TG: variants seen among roughly 807,000 people sequenced by gnomAD.
TG encodes the protein thyroid hormones.
Under a neutral mutation model 324.7 loss-of-function variants are expected in TG, and 270 were observed. The observed-to-expected ratio is 0.83, with a 90% confidence interval of 0.75 to 0.92. TG has a LOEUF of 0.92. TG is among the 40% of genes least tolerant of loss of function. TG has a pLI of 0.00. For missense variants in TG, 3,591 were observed against 3,456.4 expected, an observed-to-expected ratio of 1.04 and a Z score of -0.98; for synonymous variants, 1,401 against 1,327.0, an observed-to-expected ratio of 1.06 and a Z score of -1.21.
chr8:133,110,874 C>T (rs867102299), intron 43 of TG, among the ~76,000 whole-genome samples: 13 of 152,180 alleles, frequency 8.5e-5, no homozygotes, highest in Middle Eastern at 3.4e-3. Flanking sequence ...CTTCTTAGCC[C>T]GCACCCACGA....
chr8:133,055,481 G>A (rs1448944215), intron 41 of TG, among the ~76,000 whole-genome samples: 2 of 151,960 alleles, frequency 1.3e-5, no homozygotes, highest in South Asian at 2.1e-4. Context: ...CGAGTTCTGC[G>A]GGTCACCATG....
At chr8:132,880,560 C>T (rs1298905138) in intron 5 of TG, among the ~76,000 whole-genome samples, 1 of 152,130 alleles carries the variant, frequency 6.6e-6, no homozygotes, top group Non-Finnish European at 1.5e-5. Flanking sequence ...ATACACAGAA[C>T]AATAGATTAA....
chr8:133,106,447 C>T, intron 43 of TG: 4 of 985,382 alleles, frequency 4.1e-6, no homozygotes, highest in Non-Finnish European at 4.8e-6. Context: ...GCTCTTCTCC[C>T]AGGTCCCGCC....
chr8:132,893,385 G>T, intron 10 of TG, among the ~76,000 whole-genome samples: 1 of 136,090 alleles, frequency 7.3e-6, no homozygotes, highest in Non-Finnish European at 1.6e-5. Context: ...TGTGTGTAGT[G>T]TGGGGGGGTG....
intron 41 of TG, chr8:133,050,970 G>T: frequency 4.0e-6 from 4 of 1,009,816 alleles, no homozygotes; most frequent in East Asian, 4.8e-5. Context: ...TTCACAAGGA[G>T]CTTAAAGGTA....
chr8:132,939,991 T>C (rs1471356006), intron 25 of TG, among the ~76,000 whole-genome samples: 5 of 152,058 alleles, frequency 3.3e-5, no homozygotes, highest in Non-Finnish European at 5.9e-5. Flanking sequence ...ATATGTTTTT[T>C]TTACCTGCTC....
chr8:132,957,742 T>TACAC (rs6150825), intron 27 of TG, among the ~76,000 whole-genome samples: 1,746 of 41,532 alleles, frequency 0.042, 18 homozygotes, highest in Non-Finnish European at 0.052. Flanking sequence ...CATGGTAAAC[T>TACAC]ACACACACAC....
Position 132,941,132 on chromosome 8 carries a change from T to A in TG, c.5042-219T>A, listed in dbSNP as rs149122542. On this transcript the variant is annotated intron_variant, in intron 25 of 47. Transcript: ENST00000220616. ...AAGACGTGTTGGGCATTTGTCCCGA[T>A]CTCCTGGGTTTGGGGCCATGGCCTT... Among the ~76,000 whole-genome samples the A allele has an allele frequency of 1.4e-4, 21 of 152,308 alleles. No homozygotes were observed. The East Asian group carries it at 3.7e-3, about 27-fold the overall frequency.
chr8:132,984,922 C>T (rs1304015126), intron 35 of TG, among the ~76,000 whole-genome samples: 1 of 136,688 alleles, frequency 7.3e-6, no homozygotes, highest in Non-Finnish European at 1.6e-5. Context: ...CTGAGCAACA[C>T]AGCCTCCATC....
chr8:133,013,709 T>G lies in TG; in HGVS notation c.6507T>G (p.Gly2169=). 1 of 1,613,906 alleles carries G rather than the reference T, an allele frequency of 6.2e-7. No homozygotes were observed. Residue 2169 remains glycine (G), a synonymous_variant, in exon 37 of 48, where the codon GGT becomes GGG. Transcript: ENST00000220616. Reference sequence around the variant, plus strand: ...AAAGCTGCACACATAGTCTGCAGGGTCAGAACTGCCGACTTCTGCTTCGTG... The same window carrying G: ...AAAGCTGCACACATAGTCTGCAGGGGCAGAACTGCCGACTTCTGCTTCGTG... The part of the protein sequence containing the change: ...DTQSCTHSLQ[G]QNCRLLLREE...
intron 35 of TG, among the ~76,000 whole-genome samples, chr8:133,008,012 A>G (rs1834174684): frequency 6.6e-6 from 1 of 152,218 alleles, no homozygotes; most frequent in African/African-American, 2.4e-5. Flanking sequence ...ATATAAACAC[A>G]TAAGTAAATA....
chr8:133,107,192 G>A (rs1849875427), intron 43 of TG, among the ~76,000 whole-genome samples: 1 of 152,258 alleles, frequency 6.6e-6, no homozygotes, highest in South Asian at 2.1e-4. Context: ...GTTCATTGGA[G>A]GTGAATCTTC....
chr8:132,991,731 C>T (rs1293879057), intron 35 of TG, among the ~76,000 whole-genome samples: 2 of 151,990 alleles, frequency 1.3e-5, no homozygotes, highest in Non-Finnish European at 2.9e-5. Context: ...ACTCAGCACG[C>T]GGGAACTCCA....
intron 41 of TG, chr8:133,050,876 G>A (rs753671246): frequency 3.1e-6 from 5 of 1,613,838 alleles, no homozygotes; most frequent in South Asian, 2.2e-5. Flanking sequence ...GTCAGGAGAC[G>A]GGTAGTCACT....
chr8:132,901,351 A>G lies in TG; in HGVS notation c.3434-2A>G. The G allele has an allele frequency of 6.2e-7, 1 of 1,614,096 alleles. No individual in the cohort carries two copies. Among genetic ancestry groups the G allele is most frequent in the Non-Finnish European group, 8.5e-7 (1 of 1,180,034 alleles). Reference sequence around the variant, plus strand: ...AGCCCATCTGGCTTGTCTCTGTGTCAGGCCCAAGCCTCTGCAATGTGCTCA... The same window carrying G: ...AGCCCATCTGGCTTGTCTCTGTGTCGGGCCCAAGCCTCTGCAATGTGCTCA... On this transcript the variant is annotated splice_acceptor_variant, in intron 15 of 47. Transcript: ENST00000220616. LOFTEE classifies it high-confidence loss of function.
intron 28 of TG, among the ~76,000 whole-genome samples, chr8:132,962,260 A>G (rs965853184): frequency 6.6e-6 from 1 of 152,148 alleles, no homozygotes; most frequent in Admixed American, 6.5e-5. Flanking sequence ...AATTATACCC[A>G]TAATGTAGGC....
At chr8:132,885,102 T>C (rs1466000889) in intron 8 of TG, among the ~76,000 whole-genome samples, 9 of 141,822 alleles carry the variant, frequency 6.3e-5, no homozygotes, top group African/African-American at 2.3e-4. Context: ...TTTATGTGAA[T>C]CAAGAGGAAA....
rs1376572080 is a variant in TG at position 132,962,980 on chromosome 8, T to C, written c.5468-14T>C. On this transcript the variant is annotated splice_polypyrimidine_tract_variant and intron_variant, in intron 28 of 47. Transcript: ENST00000220616. ...TCTCCCCAACATTGCAACAACTCTT[T>C]TTTTTCCTCCTAGATTCTGACATGG... is the stretch of plus-strand genomic sequence containing the variant. The C allele has an allele frequency of 1.2e-6, 2 of 1,613,458 alleles. No individual in the cohort carries two copies. Among genetic ancestry groups the C allele is most frequent in the Non-Finnish European group, 1.7e-6 (2 of 1,179,562 alleles).
chr8:133,129,402 T>C (rs1239385480), intron 45 of TG, among the ~76,000 whole-genome samples: 1 of 152,210 alleles, frequency 6.6e-6, no homozygotes, highest in Non-Finnish European at 1.5e-5. Context: ...CTCAGTGATA[T>C]CACTTTGAAA....
Sources: allele counts gnomAD v4.1 joint callset (sites outside exome capture counted in the v4.1 genomes callset), GRCh38; gene constraint gnomAD v4.1.1; transcripts MANE v1.5; gene names NCBI Gene and HGNC (gene_info 2026-07-23, HGNC 2026-07-21).